NCKAP5: variants seen among roughly 807,000 people sequenced by gnomAD.
NCKAP5 encodes nck-associated protein 5.
NCKAP5 carries 92 observed loss-of-function variants against 167.0 expected under a neutral mutation model. The ratio of observed to expected loss-of-function variants is 0.55; its 90% CI spans 0.47 to 0.66. The LOEUF (loss-of-function observed/expected upper bound fraction) is 0.66. NCKAP5 is among the 30% of genes least tolerant of loss of function. The pLI, the probability that NCKAP5 is intolerant of heterozygous loss-of-function variation, is 0.00. For missense variants in NCKAP5, 2,378 were observed against 2,315.0 expected (o/e 1.03, Z -0.56); for synonymous variants, 891 against 877.4 (o/e 1.02, Z -0.27).
At chr2:133,417,192 T>C (rs893882471) in intron 3 of NCKAP5, among the ~76,000 whole-genome samples, 24 of 152,156 alleles carry the variant, frequency 1.6e-4, no homozygotes, top group African/African-American at 5.8e-4. Context: ...ACTCTTCCAT[T>C]TGACTCATTT....
At chr2:133,055,607 TAAC>T in intron 6 of NCKAP5, among the ~76,000 whole-genome samples, 1 of 151,970 alleles carries the variant, frequency 6.6e-6, no homozygotes, top group East Asian at 1.9e-4. Context: ...TAAAGCAATA[TAAC>T]AATATAGACA....
chr2:133,426,858 A>G (rs1689841424), intron 3 of NCKAP5, among the ~76,000 whole-genome samples: 1 of 152,192 alleles, frequency 6.6e-6, no homozygotes, highest in African/African-American at 2.4e-5. Context: ...GTAAATCTCA[A>G]GCTGTTCTAA....
At position 132,853,898 on chromosome 2, in the gene NCKAP5, T is replaced by C. The variant is rs184410237; in HGVS notation, c.807+6594A>G. ...ACATAATATTTCAAAGCTTGCCTTC[T>C]TCACTTTAAATACACAGCACCCTAA... On this transcript the variant is annotated intron_variant, in intron 11 of 19. Transcript: ENST00000409261. Among the ~76,000 whole-genome samples the C allele has an allele frequency of 2.3e-3, 344 of 152,346 alleles. 2 individuals carry two copies. Among genetic ancestry groups the C allele is most frequent in the African/African-American group, 8.0e-3 (332 of 41,588 alleles).
At chr2:133,518,057 T>C (rs1306066154) in intron 2 of NCKAP5, among the ~76,000 whole-genome samples, 1 of 152,198 alleles carries the variant, frequency 6.6e-6, no homozygotes, top group Non-Finnish European at 1.5e-5. Context: ...TTAAAAAATA[T>C]GTAATTTAAA....
At chr2:133,495,007 C>T (rs149157536) in intron 3 of NCKAP5, among the ~76,000 whole-genome samples, 1 of 152,168 alleles carries the variant, frequency 6.6e-6, no homozygotes, top group African/African-American at 2.4e-5. Flanking sequence ...TTGGTCTCCA[C>T]AACCCCTTAT....
At chr2:133,129,779 T>C (rs78264330) in intron 6 of NCKAP5, among the ~76,000 whole-genome samples, 199 bp downstream of exon 6, 2,628 of 152,316 alleles carry the variant, frequency 0.017, 83 homozygotes, top group African/African-American at 0.061. Context: ...ATAAAGCTCA[T>C]GTCAGGTACA....
At chr2:133,064,970 T>C (rs1221464465) in intron 6 of NCKAP5, among the ~76,000 whole-genome samples, 4 of 152,210 alleles carry the variant, frequency 2.6e-5, no homozygotes, top group Non-Finnish European at 5.9e-5. Flanking sequence ...AAAATCTCAG[T>C]GTTCTAAGCA....
At chr2:132,751,242 T>C (rs1240769242) in intron 16 of NCKAP5, among the ~76,000 whole-genome samples, 5 of 152,074 alleles carry the variant, frequency 3.3e-5, no homozygotes, top group African/African-American at 1.2e-4. Context: ...CCCCAAAAGC[T>C]GGTTGTTAAA....
At chr2:133,633,970 A>G in the NCKAP5 span, among the ~76,000 whole-genome samples, 2 of 152,198 alleles carry the variant, frequency 1.3e-5, no homozygotes, top group Admixed American at 6.5e-5. Context: ...CTGAGCAAAG[A>G]ATCGAGTTTA....
chr2:133,479,629 T>C (rs1680248472), intron 3 of NCKAP5, among the ~76,000 whole-genome samples: 1 of 152,200 alleles, frequency 6.6e-6, no homozygotes. Flanking sequence ...GTACAAACAG[T>C]ATGTATCAAC....
intron 16 of NCKAP5, among the ~76,000 whole-genome samples, chr2:132,771,643 T>C (rs888983236): frequency 2.0e-5 from 3 of 151,660 alleles, no homozygotes; most frequent in Non-Finnish European, 4.4e-5. Context: ...AAGTGCCCTA[T>C]ACAGGTATAT....
At chr2:133,437,856 CAG>C (rs1237914022) in intron 3 of NCKAP5, among the ~76,000 whole-genome samples, 4 of 152,146 alleles carry the variant, frequency 2.6e-5, no homozygotes, top group African/African-American at 4.8e-5. Context: ...GAAATCTATG[CAG>C]AGAGTTTAGC....
Position 132,785,721 on chromosome 2 carries a change from A to G in NCKAP5, c.1093-3T>C. ...TTATCCCAGTTTTGTGATGATTGCT[A>G]GGAAAGAAAAGTAGACATCAGAAAT... On this transcript the variant is annotated splice_polypyrimidine_tract_variant and splice_region_variant and intron_variant, in intron 13 of 19. Coordinates refer to ENST00000409261, the MANE Select transcript of NCKAP5 (RefSeq NM_207363.3). The G allele has an allele frequency of 6.7e-7, 1 of 1,484,086 alleles. No homozygotes were observed. Among genetic ancestry groups the G allele is most frequent in the Non-Finnish European group, 8.9e-7 (1 of 1,118,030 alleles). The allele number at this position is 1,484,086 out of a possible 1,614,324, so 91.9% of individuals were successfully genotyped here.
intron 3 of NCKAP5, among the ~76,000 whole-genome samples, chr2:133,384,772 T>G (rs1686806453): frequency 1.3e-5 from 2 of 152,188 alleles, no homozygotes; most frequent in African/African-American, 2.4e-5. Flanking sequence ...TCACATCCCT[T>G]GTAAGTTGGA....
chr2:132,907,507 G>C (rs1022298113), intron 8 of NCKAP5, among the ~76,000 whole-genome samples: 4 of 152,124 alleles, frequency 2.6e-5, no homozygotes, highest in African/African-American at 9.7e-5. Context: ...CCTCTTTGTA[G>C]GTGGGAAAAG....
At chr2:133,487,755 T>C (rs1016525453) in intron 3 of NCKAP5, among the ~76,000 whole-genome samples, 2 of 152,132 alleles carry the variant, frequency 1.3e-5, no homozygotes, top group East Asian at 1.9e-4. Context: ...GAGAGGATGG[T>C]GAGAAAGTGG....
chr2:133,221,826 T>A (rs2086673543), intron 4 of NCKAP5, among the ~76,000 whole-genome samples: 1 of 152,228 alleles, frequency 6.6e-6, no homozygotes, highest in Admixed American at 6.5e-5. Flanking sequence ...TTAGGAAGAA[T>A]GTCTATCACA....
intron 3 of NCKAP5, among the ~76,000 whole-genome samples, chr2:133,309,201 A>AT (rs1681055688): frequency 6.6e-6 from 1 of 151,994 alleles, no homozygotes; most frequent in Non-Finnish European, 1.5e-5. Context: ...TCTTCTGTAA[A>AT]TTTTTTCTTT....
rs1242188392 is a variant in NCKAP5, at chr2:133,175,333, A to AT, written c.207+38382dup. On this transcript the variant is annotated intron_variant, in intron 5 of 19. Coordinates refer to ENST00000409261, the MANE Select transcript of NCKAP5 (RefSeq NM_207363.3). ...GTCTGTTGTCTTTTGACTTTATAGT[A>AT]TTTTTTCATGCAATTTTTTAGAGTT... Among the ~76,000 whole-genome samples the AT allele has an allele frequency of 7.9e-5, 12 of 152,026 alleles. No homozygotes were observed. In the East Asian group the frequency reaches 1.9e-3, roughly 25 times the overall value.
Sources: gnomAD v4.1 joint callset for allele counts (sites outside exome capture counted in the v4.1 genomes callset) on GRCh38, gnomAD v4.1.1 for gene constraint, MANE v1.5 for transcripts, NCBI Gene and HGNC (gene_info 2026-07-23, HGNC 2026-07-21) for gene names.